The following GRB10 variants were observed in gnomAD, a reference collection of about 807,000 sequenced individuals.
GRB10 encodes growth factor receptor-bound protein 10.
A neutral mutation model predicts 80.9 loss-of-function variants in GRB10; 20 were observed. The observed-to-expected ratio is 0.25, with a 90% CI of 0.17 to 0.36. GRB10 has a LOEUF of 0.36. Ranked by LOEUF, GRB10 falls within the 10% of genes least tolerant of loss-of-function variation. The pLI is 1.00. For missense variants in GRB10, 548 were observed against 747.7 expected (o/e 0.73, Z 3.12); for synonymous variants, 291 against 291.5 (o/e 1.00, Z 0.02).
chr7:50,792,145 G>C (rs189398162), intron 1 of GRB10, among the ~76,000 whole-genome samples: 20 of 152,266 alleles, frequency 1.3e-4, no homozygotes, highest in African/African-American at 4.3e-4. Flanking sequence ...CAGAAACAAA[G>C]TGTTCTAGGC....
chr7:50,645,430 G>A (rs936429570), intron 7 of GRB10: 32 of 186,870 alleles, frequency 1.7e-4, no homozygotes, highest in Non-Finnish European at 3.0e-4. Flanking sequence ...TCAGCCATCT[G>A]GGGAGTATGT....
chr7:50,713,698 ACCT>A (rs2066335118), intron 4 of GRB10, among the ~76,000 whole-genome samples: 1 of 69,836 alleles, frequency 1.4e-5, no homozygotes, highest in Non-Finnish European at 2.8e-5. Context: ...TGTCACCTCC[ACCT>A]CCTCCATCCT....
intron 4 of GRB10, among the ~76,000 whole-genome samples, chr7:50,707,382 C>A (rs1384640779): frequency 6.6e-6 from 1 of 152,192 alleles, no homozygotes; most frequent in Admixed American, 6.5e-5. Context: ...TTACACACAT[C>A]CAAGTGTTTC....
chr7:50,717,611 C>T, intron 4 of GRB10, among the ~76,000 whole-genome samples: 1 of 152,248 alleles, frequency 6.6e-6, no homozygotes, highest in East Asian at 1.9e-4. Context: ...CCCTCCTTAT[C>T]CACCACTGAA....
rs1025502396 is a variant in GRB10 at position 50,696,188 on chromosome 7, T to C, written c.139+7633A>G. On this transcript the variant is annotated intron_variant, in intron 5 of 18. Transcript: ENST00000401949. Reference sequence around the variant, plus strand: ...ACATGCACACACATGCACACGTCATTGAAATAAATTCCTGGAATTGATGGG... The same window carrying C: ...ACATGCACACACATGCACACGTCATCGAAATAAATTCCTGGAATTGATGGG... 4.6e-5 allele frequency among the ~76,000 whole-genome samples: 7 copies of C among 152,322 alleles called. No homozygotes were observed. The East Asian group carries it at 1.3e-3, about 29-fold the overall frequency.
At chr7:50,783,424 C>T (rs1285960480), upstream of GRB10, among the ~76,000 whole-genome samples, 1 of 69,252 alleles carries the variant, frequency 1.4e-5, no homozygotes, top group African/African-American at 5.9e-5. Context: ...ACACACACAC[C>T]CCACACACAC....
chr7:50,626,651 G>A (rs796237391), intron 8 of GRB10, among the ~76,000 whole-genome samples, 171 bp downstream of exon 8: 1 of 152,236 alleles, frequency 6.6e-6, no homozygotes, highest in Non-Finnish European at 1.5e-5. Context: ...GGGGCTGGAG[G>A]GAGGAGAGTG....
chr7:50,787,104 T>C (rs898748528), upstream of GRB10, among the ~76,000 whole-genome samples: 3 of 152,174 alleles, frequency 2.0e-5, no homozygotes, highest in East Asian at 1.9e-4. Context: ...ATGAGCAGCA[T>C]TAGGGGACCA....
intron 2 of GRB10, among the ~76,000 whole-genome samples, chr7:50,756,742 T>C (rs984584826): frequency 6.6e-6 from 1 of 152,182 alleles, no homozygotes; most frequent in Admixed American, 6.5e-5. Flanking sequence ...TATAGTGACC[T>C]GGGCAACTCA....
At chr7:50,639,861 A>T (rs7792811) in intron 7 of GRB10, among the ~76,000 whole-genome samples, 51,638 of 151,818 alleles carry the variant, frequency 0.34, 8,902 homozygotes, top group Middle Eastern at 0.51. Flanking sequence ...CCATTTTTTT[A>T]AACTTTTCTA....
chr7:50,659,721 T>C (rs1385827242), intron 7 of GRB10, among the ~76,000 whole-genome samples: 1 of 152,238 alleles, frequency 6.6e-6, no homozygotes, highest in African/African-American at 2.4e-5. Flanking sequence ...AGGAGCATAT[T>C]ACAGGACCAT....
At chr7:50,628,232 G>A (rs1014779634) in intron 7 of GRB10, among the ~76,000 whole-genome samples, 3 of 152,204 alleles carry the variant, frequency 2.0e-5, no homozygotes, top group Non-Finnish European at 4.4e-5. Flanking sequence ...TCTTTGTCCC[G>A]CAACTGATGT....
chr7:50,733,430 T>C (rs1488339388), intron 3 of GRB10, among the ~76,000 whole-genome samples: 1 of 152,124 alleles, frequency 6.6e-6, no homozygotes, highest in Non-Finnish European at 1.5e-5. Flanking sequence ...TCATCACAGC[T>C]AAAAGGAACA....
intron 5 of GRB10, among the ~76,000 whole-genome samples, chr7:50,683,562 C>G (rs945846935): frequency 6.6e-6 from 1 of 151,982 alleles, no homozygotes; most frequent in African/African-American, 2.4e-5. Flanking sequence ...CATGGCGAAA[C>G]CCTGTCTCTA....
At chr7:50,688,851 G>A (rs922054207) in intron 5 of GRB10, among the ~76,000 whole-genome samples, 3 of 152,170 alleles carry the variant, frequency 2.0e-5, no homozygotes, top group Admixed American at 2.0e-4. Flanking sequence ...CTGTCGGCAA[G>A]CACATGAACA....
chr7:50,607,344 TAATA>T (rs2048719200), intron 13 of GRB10, among the ~76,000 whole-genome samples: 1 of 152,144 alleles, frequency 6.6e-6, no homozygotes, highest in Non-Finnish European at 1.5e-5. Flanking sequence ...TATAATAGAT[TAATA>T]TATATAAAAA....
chr7:50,662,148 T>C (rs1460980295), intron 7 of GRB10, among the ~76,000 whole-genome samples: 1 of 152,172 alleles, frequency 6.6e-6, no homozygotes, highest in Non-Finnish European at 1.5e-5. Context: ...CCCAGGTGCC[T>C]TGACCTTCTC....
intron 5 of GRB10, among the ~76,000 whole-genome samples, chr7:50,694,288 C>A (rs1230828224): frequency 6.6e-6 from 1 of 152,212 alleles, no homozygotes; most frequent in Non-Finnish European, 1.5e-5. Context: ...AGTGCCACTG[C>A]ACTCTAGCCT....
chr7:50,658,182 T>A (rs765261864), intron 7 of GRB10, among the ~76,000 whole-genome samples: 4 of 152,218 alleles, frequency 2.6e-5, no homozygotes, highest in Non-Finnish European at 4.4e-5. Context: ...CTCACAGGTA[T>A]AAATAAAGCG....
Sources: gnomAD v4.1 joint callset for allele counts (sites outside exome capture counted in the v4.1 genomes callset) on GRCh38, gnomAD v4.1.1 for gene constraint, MANE v1.5 for transcripts, NCBI Gene and HGNC (gene_info 2026-07-23, HGNC 2026-07-21) for gene names.